Variants in ADGRG1 observed in about 807,000 individuals in gnomAD.
The protein encoded by ADGRG1 is adhesion G protein-coupled receptor G1, also known as 7-transmembrane protein with no EGF-like N-terminal domains-1.
Under a neutral mutation model 73.5 loss-of-function variants are expected in ADGRG1, and 53 were observed. The observed-to-expected ratio is 0.72, with a 90% CI of 0.58 to 0.91. ADGRG1 has a LOEUF of 0.91. ADGRG1 is among the 40% of genes least tolerant of loss of function. The pLI is 0.00. For synonymous variants in ADGRG1, 394 were observed against 374.4 expected, an observed-to-expected ratio of 1.05 and a Z score of -0.60; for missense variants, 795 against 871.8, an observed-to-expected ratio of 0.91 and a Z score of 1.11.
Position 57,657,810 on chromosome 16 carries a change from C to T in ADGRG1, c.1286+319C>T, listed in dbSNP as rs540803901. ...AGGCTGGAGTGTAGTAGCATGATCT[C>T]GGCTCACTGCAACCTCTGCCTCCCG... On this transcript the variant is annotated intron_variant, in intron 10 of 13. Transcript: ENST00000562631. 1.6e-4 allele frequency among the ~76,000 whole-genome samples: 24 copies of T among 152,166 alleles called. 1 individual carries two copies. Among genetic ancestry groups the T allele is most frequent in the African/African-American group, 5.8e-4 (24 of 41,486 alleles).
At position 57,660,760 on chromosome 16, in the gene ADGRG1, AC is replaced by A; in HGVS notation, c.1556-5del. The A allele has an allele frequency of 6.3e-7, 1 of 1,587,404 alleles. No homozygotes were observed. Among genetic ancestry groups the A allele is most frequent in the East Asian group, 2.2e-5 (1 of 44,694 alleles). ...GGGAAGTAGAGCAACATGCATTGCC[AC>A]CCTCAGGCTTCCCCATCTTTCTGGT... On this transcript the variant is annotated splice_region_variant and splice_polypyrimidine_tract_variant and intron_variant, in intron 11 of 13. Coordinates refer to ENST00000562631, the MANE Select transcript of ADGRG1 (RefSeq NM_201525.4).
chr16:57,656,333 G>A (rs1371655761), intron 8 of ADGRG1, 62 bp downstream of exon 8: 4 of 1,607,014 alleles, frequency 2.5e-6, no homozygotes, highest in Non-Finnish European at 3.4e-6. Flanking sequence ...GTCCTGGGGG[G>A]TGGGGGAGGT....
At chr16:57,659,166 C>T (rs2046447003) in intron 10 of ADGRG1, 2 of 985,238 alleles carry the variant, frequency 2.0e-6, no homozygotes, top group Admixed American at 1.2e-4. Context: ...CCTCGCTCTG[C>T]CTGGCTGAGG....
In ADGRG1 at chr16:57,663,609, G is replaced by T; in HGVS notation, c.*27G>T. On this transcript the variant is annotated 3_prime_UTR_variant, in exon 14 of 14. Transcript: ENST00000562631. ...CCTCCAGCCCACCTGCCCATGTGAT[G>T]AAGCAGAGATTCGGCCTCGTCGCAC... is the stretch of plus-strand genomic sequence containing the variant. The T allele has an allele frequency of 6.2e-7, 1 of 1,610,104 alleles. No individual in the cohort carries two copies.
intron 1 of ADGRG1, chr16:57,641,134 G>A: frequency 1.2e-6 from 1 of 836,162 alleles, no homozygotes; most frequent in Non-Finnish European, 1.4e-6. Flanking sequence ...CTGCAGAGAA[G>A]GCAGTCAGGG....
At chr16:57,648,008 A>T (rs2043111462) in intron 1 of ADGRG1, 1 of 152,816 alleles carries the variant, frequency 6.5e-6, no homozygotes, top group Non-Finnish European at 1.5e-5. Flanking sequence ...AAGGTCAGTA[A>T]GCCAGGGAGA....
intron 5 of ADGRG1, among the ~76,000 whole-genome samples, chr16:57,654,444 G>A (rs1297715594): frequency 6.8e-6 from 1 of 146,572 alleles, no homozygotes; most frequent in African/African-American, 2.5e-5. Flanking sequence ...TCGAGACAGG[G>A]TCTTGCTTTG....
chr16:57,644,978 A>ACC (rs771847454), intron 1 of ADGRG1: 1 of 693,766 alleles, frequency 1.4e-6, no homozygotes, highest in Non-Finnish European at 1.8e-6. Flanking sequence ...ATGGGCACAC[A>ACC]CCCCCATGCA....
upstream of ADGRG1, chr16:57,628,491 C>G: frequency 1.6e-5 from 16 of 985,202 alleles, no homozygotes; most frequent in Non-Finnish European, 1.9e-5. Flanking sequence ...GCCCTGCCCC[C>G]TCCTGGTCTC....
intron 9 of ADGRG1, 67 bp downstream of exon 9, chr16:57,656,684 T>C: frequency 1.1e-6 from 1 of 937,680 alleles, no homozygotes; most frequent in Admixed American, 1.7e-5. Flanking sequence ...GCAAGCACTT[T>C]TCATATATTC....
upstream of ADGRG1, among the ~76,000 whole-genome samples, chr16:57,625,245 C>T (rs2035611355): frequency 6.6e-6 from 1 of 152,222 alleles, no homozygotes; most frequent in African/African-American, 2.4e-5. Context: ...GACGTGTTTC[C>T]AGCTGCCTTG....
chr16:57,660,367 G>A, intron 11 of ADGRG1: 22 of 985,150 alleles, frequency 2.2e-5, no homozygotes, highest in Non-Finnish European at 2.7e-5. Flanking sequence ...CCCCTCTAGG[G>A]AGCTTCTAAT....
chr16:57,654,556 G>A (rs1665381740), intron 5 of ADGRG1, among the ~76,000 whole-genome samples: 1 of 152,030 alleles, frequency 6.6e-6, no homozygotes, highest in Admixed American at 6.6e-5. Flanking sequence ...AGCTGGGACT[G>A]CAGGCTTGCT....
At chr16:57,643,632 TG>T (rs1166844183) in intron 1 of ADGRG1, 1 of 984,636 alleles carries the variant, frequency 1.0e-6, no homozygotes, top group Non-Finnish European at 1.2e-6. Context: ...GGGCCAGGCC[TG>T]GGCACCTGCC....
Position 57,660,750 on chromosome 16 carries a change from A to G in ADGRG1, c.1556-18A>G, listed in dbSNP as rs1315423878. On this transcript the variant is annotated intron_variant, in intron 11 of 13. Coordinates refer to ENST00000562631, the MANE Select transcript of ADGRG1 (RefSeq NM_201525.4). ...CTCAGAGAGCGGGAAGTAGAGCAAC[A>G]TGCATTGCCACCCTCAGGCTTCCCC... 2 of 1,557,318 alleles carry G rather than the reference A, an allele frequency of 1.3e-6. No homozygotes were observed. Among genetic ancestry groups the G allele is most frequent in the African/African-American group, 1.4e-5 (1 of 73,972 alleles).
At chr16:57,628,241 C>T (rs1446850948), upstream of ADGRG1, 3 of 934,846 alleles carry the variant, frequency 3.2e-6, no homozygotes, top group South Asian at 1.5e-4. Context: ...TCGCCCTGAC[C>T]TGGGGGGTGG....
At chr16:57,641,142 G>C (rs2040718117) in intron 1 of ADGRG1, 1 of 837,248 alleles carries the variant, frequency 1.2e-6, no homozygotes, top group Admixed American at 6.2e-5. Context: ...AAGGCAGTCA[G>C]GGGACAAACA....
chr16:57,643,450 C>T, intron 1 of ADGRG1: 1 of 523,024 alleles, frequency 1.9e-6, no homozygotes, highest in Non-Finnish European at 2.5e-6. Flanking sequence ...AACTTCTCCC[C>T]TTTGTCACTC....
intron 5 of ADGRG1, among the ~76,000 whole-genome samples, chr16:57,654,717 T>C (rs1400067362): frequency 6.6e-6 from 1 of 151,980 alleles, no homozygotes; most frequent in Non-Finnish European, 1.5e-5. Flanking sequence ...CTGTCTCTAC[T>C]AAAAATATAA....
Sources: allele counts gnomAD v4.1 joint callset (sites outside exome capture counted in the v4.1 genomes callset), GRCh38; gene constraint gnomAD v4.1.1; transcripts MANE v1.5; gene names NCBI Gene and HGNC (gene_info 2026-07-23, HGNC 2026-07-21).